RGL1: variants seen among roughly 807,000 people sequenced by gnomAD.
RGL1 encodes ral guanine nucleotide dissociation stimulator-like 1.
Under a neutral mutation model 95.2 loss-of-function variants are expected in RGL1, and 24 were observed. The observed-to-expected ratio is 0.25, with a 90% CI of 0.18 to 0.35. The LOEUF (loss-of-function observed/expected upper bound fraction) is 0.35, where lower values mean the gene tolerates loss of function less well. Ranked by LOEUF, RGL1 falls within the 10% of genes least tolerant of loss-of-function variation. The pLI, the probability that RGL1 is intolerant of heterozygous loss-of-function variation, is 1.00. For missense variants in RGL1, 715 were observed against 936.3 expected, an observed-to-expected ratio of 0.76 and a Z score of 3.08; for synonymous variants, 329 against 344.9, an observed-to-expected ratio of 0.95 and a Z score of 0.51.
chr1:183,756,733 T>C (rs1424509274), intron 2 of RGL1, among the ~76,000 whole-genome samples: 1 of 152,166 alleles, frequency 6.6e-6, no homozygotes, highest in Non-Finnish European at 1.5e-5. Context: ...TGTCTGTCCT[T>C]CAGACCAGGC....
chr1:183,733,367 A>C (rs12024950), intron 1 of RGL1, among the ~76,000 whole-genome samples: 5,352 of 152,234 alleles, frequency 0.035, 106 homozygotes, highest in East Asian at 0.08. Context: ...CCAGGTCATC[A>C]GGGAAAAGTC....
At chr1:183,744,228 A>G (rs766647121) in intron 2 of RGL1, among the ~76,000 whole-genome samples, 2 of 152,226 alleles carry the variant, frequency 1.3e-5, no homozygotes, top group Non-Finnish European at 2.9e-5. Flanking sequence ...AATCCAAGGA[A>G]GTAACCTAAC....
chr1:183,838,909 T>C (rs1663846373), intron 2 of RGL1, among the ~76,000 whole-genome samples: 1 of 152,232 alleles, frequency 6.6e-6, no homozygotes, highest in African/African-American at 2.4e-5. Context: ...GTGAGGAGTG[T>C]GCACATTTGG....
chr1:183,711,790 G>A (rs1266529442), intron 1 of RGL1, among the ~76,000 whole-genome samples: 1 of 152,012 alleles, frequency 6.6e-6, no homozygotes, highest in African/African-American at 2.4e-5. Flanking sequence ...CTGGGAATGG[G>A]GTGTGGGGGC....
intron 3 of RGL1, among the ~76,000 whole-genome samples, chr1:183,850,057 C>A (rs1188345097): frequency 6.6e-6 from 1 of 152,152 alleles, no homozygotes; most frequent in Non-Finnish European, 1.5e-5. Context: ...ACTGTCTTTG[C>A]CATGACCTGA....
At chr1:183,811,070 G>A (rs999250965) in intron 2 of RGL1, among the ~76,000 whole-genome samples, 1 of 152,112 alleles carries the variant, frequency 6.6e-6, no homozygotes, top group Non-Finnish European at 1.5e-5. Flanking sequence ...TGCATAGTTG[G>A]TTCTCATTTA....
At chr1:183,821,129 G>A (rs570484205) in intron 2 of RGL1, among the ~76,000 whole-genome samples, 66 of 142,740 alleles carry the variant, frequency 4.6e-4, no homozygotes, top group African/African-American at 1.5e-3. Flanking sequence ...GCGAAACTCC[G>A]TCTAAAATAA....
Position 183,912,040 on chromosome 1 carries a change from A to T in RGL1, c.1563-42A>T, listed in dbSNP as rs1488020525. On this transcript the variant is annotated intron_variant, in intron 14 of 17. Transcript: ENST00000360851. ...ATATTTGCCTAATCATGGATTCCAGATTTGTAACAGCCCAAATGCTTGGCA... is the reference window on the plus strand; with the variant it reads ...ATATTTGCCTAATCATGGATTCCAGTTTTGTAACAGCCCAAATGCTTGGCA... 4.4e-6 allele frequency: 7 copies of T among 1,578,954 alleles called. No homozygotes were observed. In the South Asian group the frequency reaches 7.9e-5, roughly 18 times the overall value.
intron 4 of RGL1, among the ~76,000 whole-genome samples, chr1:183,873,192 G>A (rs1416579263): frequency 6.6e-6 from 1 of 152,082 alleles, no homozygotes; most frequent in African/African-American, 2.4e-5. Context: ...TATCTCCTAG[G>A]GTTTTCTACA....
chr1:183,809,697 C>T (rs1661574728), intron 2 of RGL1, among the ~76,000 whole-genome samples: 1 of 152,174 alleles, frequency 6.6e-6, no homozygotes, highest in Non-Finnish European at 1.5e-5. Context: ...GTAATCCCAG[C>T]ACTTTGAGAG....
At position 183,904,733 on chromosome 1, in the gene RGL1, T is replaced by A. The variant is rs986880967; in HGVS notation, c.1351-117T>A. 15 of 1,092,970 alleles carry A rather than the reference T, an allele frequency of 1.4e-5. No homozygotes were observed. In the African/African-American group the frequency reaches 2.4e-4, roughly 17 times the overall value. The allele number at this position is 1,092,970 out of a possible 1,614,324, so 67.7% of individuals were successfully genotyped here. A position where few individuals can be genotyped will look rare whatever the true frequency, so the allele number is the denominator to read the frequency against. ...AGCAGTATTTCAGAATCCTCCTAGA[T>A]GGTTTTCTTCATCTTTTATCCTAAT... On this transcript the variant is annotated intron_variant, in intron 12 of 17. Coordinates refer to ENST00000360851, the MANE Select transcript of RGL1 (RefSeq NM_001297671.3).
At chr1:183,712,431 C>T (rs1655338692) in intron 1 of RGL1, among the ~76,000 whole-genome samples, 1 of 152,170 alleles carries the variant, frequency 6.6e-6, no homozygotes, top group East Asian at 1.9e-4. Flanking sequence ...AATCCTGTGA[C>T]TTAGGAACTC....
chr1:183,777,993 G>A (rs1659687439), intron 2 of RGL1, among the ~76,000 whole-genome samples: 1 of 152,142 alleles, frequency 6.6e-6, no homozygotes, highest in South Asian at 2.1e-4. Flanking sequence ...TTTACAGTTT[G>A]TTTCATGTGT....
At chr1:183,804,099 C>T (rs1037232402), upstream of RGL1, among the ~76,000 whole-genome samples, 24 of 152,106 alleles carry the variant, frequency 1.6e-4, no homozygotes, top group African/African-American at 5.6e-4. Flanking sequence ...CTCCTGGGAA[C>T]ATCAGTACAC....
intron 1 of RGL1, among the ~76,000 whole-genome samples, chr1:183,654,863 A>G (rs1651032966): frequency 6.6e-6 from 1 of 152,240 alleles, no homozygotes; most frequent in East Asian, 1.9e-4. Flanking sequence ...AGATGTAGGA[A>G]GACTCCAAGG....
intron 3 of RGL1, among the ~76,000 whole-genome samples, chr1:183,864,577 A>G (rs1281836028): frequency 6.6e-6 from 1 of 152,196 alleles, no homozygotes. Flanking sequence ...CTTGTTTTCC[A>G]TCCTTGCCTT....
At chr1:183,917,988 C>T (rs1669083791) in intron 16 of RGL1, among the ~76,000 whole-genome samples, 1 of 152,090 alleles carries the variant, frequency 6.6e-6, no homozygotes, top group African/African-American at 2.4e-5. Context: ...GGTCATGTGG[C>T]TGGAGATGGT....
Position 183,842,662 on chromosome 1 carries a change from G to A in RGL1, c.139-4904G>A, listed in dbSNP as rs887966267. Among the ~76,000 whole-genome samples, 6 of 152,150 alleles carry A rather than the reference G, an allele frequency of 3.9e-5. No homozygotes were observed. The East Asian group carries it at 5.8e-4, about 15-fold the overall frequency. On this transcript the variant is annotated intron_variant, in intron 2 of 17. Transcript: ENST00000360851. Reference sequence around the variant, plus strand: ...AGTACCGTGATCTTGTCAGTAAAGCGACGGTCTATGATTAAATCCAGATTG... The same window carrying A: ...AGTACCGTGATCTTGTCAGTAAAGCAACGGTCTATGATTAAATCCAGATTG...
intron 2 of RGL1, among the ~76,000 whole-genome samples, chr1:183,844,533 T>C (rs1439087060): frequency 6.6e-6 from 1 of 152,242 alleles, no homozygotes; most frequent in East Asian, 1.9e-4. Context: ...TATCATTGAC[T>C]TTGTTGAACT....
Sources: allele counts gnomAD v4.1 joint callset (sites outside exome capture counted in the v4.1 genomes callset), GRCh38; gene constraint gnomAD v4.1.1; transcripts MANE v1.5; gene names NCBI Gene and HGNC (gene_info 2026-07-23, HGNC 2026-07-21).